MTUS2: variants seen among roughly 807,000 people sequenced by gnomAD.
The protein encoded by MTUS2 is microtubule associated scaffold protein 2.
MTUS2 carries 40 observed loss-of-function variants against 114.1 expected under a neutral mutation model. That is an observed-to-expected ratio of 0.35 (90% confidence interval 0.27 to 0.46). The LOEUF (loss-of-function observed/expected upper bound fraction) is 0.46, where lower values mean the gene tolerates loss of function less well. Ranked by LOEUF, MTUS2 falls within the 20% of genes least tolerant of loss-of-function variation. MTUS2 has a pLI of 1.00. For missense variants in MTUS2, 1,679 were observed against 1,705.4 expected (o/e 0.98, Z 0.27); for synonymous variants, 688 against 672.0 (o/e 1.02, Z -0.37).
intron 7 of MTUS2, among the ~76,000 whole-genome samples, chr13:29,328,179 T>C (rs1900608611): frequency 7.8e-6 from 1 of 127,670 alleles, no homozygotes; most frequent in Admixed American, 9.1e-5. Flanking sequence ...AAAAATAGTA[T>C]TCATTTTCCA....
chr13:29,440,684 G>C (rs1348922829), intron 9 of MTUS2, among the ~76,000 whole-genome samples: 1 of 151,786 alleles, frequency 6.6e-6, no homozygotes, highest in Non-Finnish European at 1.5e-5. Flanking sequence ...CTTTCCCCAG[G>C]AATCAGTCAG....
intron 9 of MTUS2, among the ~76,000 whole-genome samples, chr13:29,471,323 C>G (rs370235886): frequency 6.6e-6 from 1 of 152,046 alleles, no homozygotes; most frequent in East Asian, 1.9e-4. Context: ...AGCAACAGAG[C>G]GAGACTCCAT....
chr13:29,407,332 A>G (rs1212746069), intron 8 of MTUS2, among the ~76,000 whole-genome samples: 1 of 152,108 alleles, frequency 6.6e-6, no homozygotes, highest in African/African-American at 2.4e-5. Context: ...CAAGTTGTGC[A>G]CCTGTGCAAA....
intron 9 of MTUS2, among the ~76,000 whole-genome samples, chr13:29,449,955 G>A (rs1878571602): frequency 6.6e-6 from 1 of 152,208 alleles, no homozygotes; most frequent in African/African-American, 2.4e-5. Context: ...AGCAGCTGTG[G>A]TTCTGCTCCC....
intron 5 of MTUS2, among the ~76,000 whole-genome samples, chr13:29,102,582 A>G (rs1890467740): frequency 6.6e-6 from 1 of 152,232 alleles, no homozygotes. Context: ...AAGACTTCAT[A>G]CTAAAAGTCA....
intron 15 of MTUS2, among the ~76,000 whole-genome samples, chr13:29,502,733 T>G (rs901021786): frequency 3.3e-5 from 5 of 152,236 alleles, no homozygotes; most frequent in Admixed American, 6.5e-5. Context: ...CTCTGTCCAG[T>G]GGACAGCCAG....
At chr13:28,906,749 G>C (rs1880044820) in intron 2 of MTUS2, among the ~76,000 whole-genome samples, 1 of 151,530 alleles carries the variant, frequency 6.6e-6, no homozygotes, top group South Asian at 2.1e-4. Context: ...GGGGTGGAGA[G>C]TTCTGTAGAT....
At chr13:29,221,697 T>A (rs184954654) in intron 5 of MTUS2, among the ~76,000 whole-genome samples, 2 of 152,148 alleles carry the variant, frequency 1.3e-5, no homozygotes, top group African/African-American at 4.8e-5. Flanking sequence ...AATTTATCAT[T>A]CTTTTTCATT....
In MTUS2 at chr13:29,389,636, T is replaced by C. The variant is rs200721542; in HGVS notation, c.3117+30163T>C. ...ATATGTGTGTATATATGTATACACA[T>C]ATGTGTATGTATATACGTATATATG... On this transcript the variant is annotated intron_variant, in intron 8 of 15. Transcript: ENST00000612955. Among the ~76,000 whole-genome samples, 146 of 118,040 alleles carry C rather than the reference T, an allele frequency of 1.2e-3. 16 individuals are homozygous for C. Among genetic ancestry groups the C allele is most frequent in the Middle Eastern group, 5.6e-3 (1 of 178 alleles). 77.4% of individuals were successfully genotyped at this position (118,040 alleles called of 152,430 possible).
intron 5 of MTUS2, among the ~76,000 whole-genome samples, chr13:29,230,944 G>A (rs1356874975): frequency 2.0e-5 from 3 of 151,972 alleles, no homozygotes; most frequent in Middle Eastern, 3.4e-3. Context: ...CCTGCATTAC[G>A]GGAAAAAAGG....
At chr13:29,030,206 C>T (rs1338118062) in intron 3 of MTUS2, among the ~76,000 whole-genome samples, 7 of 152,152 alleles carry the variant, frequency 4.6e-5, no homozygotes, top group African/African-American at 4.8e-5. Context: ...TATCTAGGCA[C>T]CACGTCAAGA....
intron 5 of MTUS2, among the ~76,000 whole-genome samples, chr13:29,162,025 C>G (rs1167427772): frequency 6.6e-6 from 1 of 152,214 alleles, no homozygotes; most frequent in East Asian, 1.9e-4. Context: ...CACTTGACAT[C>G]TACATCTCCA....
chr13:28,909,117 G>C (rs1190443607), intron 2 of MTUS2, among the ~76,000 whole-genome samples: 2 of 151,508 alleles, frequency 1.3e-5, no homozygotes, highest in Non-Finnish European at 2.9e-5. Context: ...TTGAAGTCAG[G>C]TAGCGTGATG....
chr13:29,156,982 TTAGA>T (rs1892888456), intron 5 of MTUS2, among the ~76,000 whole-genome samples: 1 of 152,176 alleles, frequency 6.6e-6, no homozygotes, highest in Non-Finnish European at 1.5e-5. Flanking sequence ...TCTTTAAATA[TTAGA>T]TAAAGATACC....
At chr13:28,869,462 G>T (rs766953706) in intron 2 of MTUS2, among the ~76,000 whole-genome samples, 1 of 152,086 alleles carries the variant, frequency 6.6e-6, no homozygotes, top group African/African-American at 2.4e-5. Context: ...AGGAATATTC[G>T]TAAAGCTTTG....
At chr13:29,115,001 C>T (rs141367937) in intron 5 of MTUS2, among the ~76,000 whole-genome samples, 110 of 152,328 alleles carry the variant, frequency 7.2e-4, no homozygotes, top group African/African-American at 2.5e-3. Flanking sequence ...TTACTGTAGG[C>T]ACCTGCATTG....
intron 9 of MTUS2, among the ~76,000 whole-genome samples, chr13:29,467,855 C>A (rs968685651): frequency 1.3e-5 from 2 of 152,232 alleles, no homozygotes; most frequent in African/African-American, 4.8e-5. Context: ...TGGCTCACGC[C>A]TGTAATCCCA....
At chr13:29,342,669 A>G (rs1402801146) in intron 7 of MTUS2, among the ~76,000 whole-genome samples, 4 of 151,686 alleles carry the variant, frequency 2.6e-5, no homozygotes, top group Non-Finnish European at 4.4e-5. Context: ...TTGTCTGATT[A>G]CTCTGGCTAG....
At chr13:29,443,218 G>A (rs1358165441) in intron 9 of MTUS2, among the ~76,000 whole-genome samples, 2 of 152,188 alleles carry the variant, frequency 1.3e-5, no homozygotes, top group Admixed American at 1.3e-4. Context: ...CCGGTGTGTA[G>A]CACCTTGAAA....
Sources: gnomAD v4.1 joint callset for allele counts (sites outside exome capture counted in the v4.1 genomes callset) on GRCh38, gnomAD v4.1.1 for gene constraint, MANE v1.5 for transcripts, NCBI Gene and HGNC (gene_info 2026-07-23, HGNC 2026-07-21) for gene names.